The following ELAVL4 variants were observed in gnomAD, a reference collection of about 807,000 sequenced individuals.
The protein encoded by ELAVL4 is ELAV like RNA binding protein 4.
ELAVL4 carries 1 observed loss-of-function variant against 35.6 expected under a neutral mutation model. That is an observed-to-expected ratio of 0.03 (90% CI 0.01 to 0.13). ELAVL4 has a LOEUF of 0.13. Among genes scored for constraint, ELAVL4 ranks in the 10% least tolerant of loss-of-function variants. The probability of loss-of-function intolerance (pLI) is 1.00; values close to 1 mark genes in which losing one functional copy is unlikely to be tolerated. For synonymous variants in ELAVL4, 156 were observed against 171.0 expected (o/e 0.91, Z 0.69); for missense variants, 267 against 464.9 (o/e 0.57, Z 3.91).
chr1:50,054,189 T>C (rs1663541780), intron 1 of ELAVL4, among the ~76,000 whole-genome samples: 1 of 152,246 alleles, frequency 6.6e-6, no homozygotes, highest in Non-Finnish European at 1.5e-5. Flanking sequence ...CTCCAAATGC[T>C]TGTTGAATGT....
intron 1 of ELAVL4, among the ~76,000 whole-genome samples, chr1:50,095,911 C>G (rs533408628): frequency 6.6e-6 from 1 of 152,294 alleles, no homozygotes; most frequent in Non-Finnish European, 1.5e-5. Context: ...GTTTGAAGAG[C>G]AACTTCCACT....
intron 1 of ELAVL4, among the ~76,000 whole-genome samples, chr1:50,073,680 G>A (rs988118320): frequency 2.6e-5 from 4 of 151,832 alleles, no homozygotes; most frequent in African/African-American, 4.8e-5. Context: ...ACATACACAC[G>A]AAACATTAAC....
In ELAVL4 at chr1:50,200,913, C is replaced by T. The variant is rs1572647481; in HGVS notation, c.836C>T (p.Thr279Ile). 1 of 1,614,062 alleles carries T rather than the reference C, an allele frequency of 6.2e-7. No individual in the cohort carries two copies. Among genetic ancestry groups the T allele is most frequent in the East Asian group, 2.2e-5 (1 of 44,850 alleles). The change falls in exon 7 of 7, where the codon ACA (threonine) becomes ATA (isoleucine). Residue 279 changes from threonine to isoleucine, a missense_variant. By Grantham distance (89) the Thr-to-Ile change is moderately conservative. This residue lies in a region of ELAVL4 where 216 missense variants were observed against 409.5 expected (regional missense o/e 0.53). Coordinates refer to ENST00000371824, the MANE Select transcript of ELAVL4 (RefSeq NM_001144774.3). ...GTGGGAATGAACATCCCTGGTCACA[C>T]AGGAACTGGGTGGTGCATCTTTGTC... ...SLVGMNIPGH[T>I]GTGWCIFVYN...
intron 1 of ELAVL4, among the ~76,000 whole-genome samples, chr1:50,073,250 A>G (rs745851315): frequency 1.8e-4 from 28 of 152,142 alleles, no homozygotes; most frequent in Non-Finnish European, 3.7e-4. Flanking sequence ...ATATAAGCTG[A>G]GGGCCCTCAA....
chr1:50,145,268 T>C (rs1364180347), intron 2 of ELAVL4, 71 bp downstream of exon 2: 5 of 1,594,066 alleles, frequency 3.1e-6, no homozygotes, highest in Non-Finnish European at 4.3e-6. Flanking sequence ...ACATGTGTGA[T>C]GGTGCACCTG....
rs549911755 is a variant in ELAVL4, at chr1:50,078,611, G to A, written c.18+30429G>A. Among the ~76,000 whole-genome samples the A allele has an allele frequency of 2.6e-5, 4 of 152,266 alleles. No homozygotes were observed. In the East Asian group the frequency reaches 7.7e-4, roughly 29 times the overall value. ...GTAGGGCTATTTGGATGGTCTCAAGGTTCCTAGGTGAGTGGAACTGGAACA... is the reference window on the plus strand; with the variant it reads ...GTAGGGCTATTTGGATGGTCTCAAGATTCCTAGGTGAGTGGAACTGGAACA... On this transcript the variant is annotated intron_variant, in intron 1 of 6. Coordinates refer to the ELAVL4 transcript ENST00000448907.
intron 6 of ELAVL4, among the ~76,000 whole-genome samples, chr1:50,200,358 A>G (rs1470707196): frequency 6.6e-6 from 1 of 152,168 alleles, no homozygotes; most frequent in Non-Finnish European, 1.5e-5. Context: ...TGAGTCACTT[A>G]TTCAACCAAT....
At chr1:50,069,333 A>G (rs1664408524) in intron 1 of ELAVL4, among the ~76,000 whole-genome samples, 1 of 152,112 alleles carries the variant, frequency 6.6e-6, no homozygotes, top group Non-Finnish European at 1.5e-5. Context: ...GCATTTGTAT[A>G]CTGCTCCACA....
At position 50,201,272 on chromosome 1, in the gene ELAVL4, A is replaced by G; in HGVS notation, c.*94A>G. 7.2e-7 allele frequency: 1 copy of G among 1,385,188 alleles called. No individual in the cohort carries two copies. The highest frequency in any genetic ancestry group is 9.5e-7 in the Non-Finnish European group (1 of 1,055,202). The allele number at this position is 1,385,188 out of a possible 1,614,324, so 85.8% of individuals were successfully genotyped here. A position where few individuals can be genotyped will look rare whatever the true frequency, so the allele number is the denominator to read the frequency against. ...ACACATACACGAAAGAGAGAGAAACAAACTTTTCAAGGCTTATATTCAACC... is the reference window on the plus strand; with the variant it reads ...ACACATACACGAAAGAGAGAGAAACGAACTTTTCAAGGCTTATATTCAACC... On this transcript the variant is annotated 3_prime_UTR_variant, in exon 7 of 7. Transcript: ENST00000371824. This position sits in a 1 kb window ranked among gnomAD's most constrained non-coding sequence, Gnocchi z 4.3.
chr1:50,125,745 T>C (rs1477915049), intron 1 of ELAVL4, among the ~76,000 whole-genome samples: 4 of 152,094 alleles, frequency 2.6e-5, no homozygotes, highest in African/African-American at 9.7e-5. Context: ...TAAGATCTCC[T>C]GATGGCTCCT....
chr1:50,178,019 G>A (rs78908436), intron 3 of ELAVL4, among the ~76,000 whole-genome samples: 1,607 of 152,296 alleles, frequency 0.011, 24 homozygotes, highest in African/African-American at 0.037. Context: ...AGGTAGTGCT[G>A]TTTGCCTTGG....
chr1:50,178,802 A>G (rs1680538496), intron 3 of ELAVL4, among the ~76,000 whole-genome samples: 1 of 152,068 alleles, frequency 6.6e-6, no homozygotes, highest in Non-Finnish European at 1.5e-5. Context: ...GGTTTGATTG[A>G]TTTTCTGTGC....
At chr1:50,129,326 C>T (rs1249407670) in intron 1 of ELAVL4, among the ~76,000 whole-genome samples, 3 of 152,026 alleles carry the variant, frequency 2.0e-5, no homozygotes, top group Admixed American at 1.3e-4. Context: ...CAAGAACAAC[C>T]CTGCTCTTCC....
chr1:50,195,301 G>C (rs1352059019), intron 4 of ELAVL4, among the ~76,000 whole-genome samples: 1 of 152,186 alleles, frequency 6.6e-6, no homozygotes, highest in Non-Finnish European at 1.5e-5. Flanking sequence ...TGATGGGGCA[G>C]AGCAGTGATA....
intron 1 of ELAVL4, among the ~76,000 whole-genome samples, chr1:50,081,129 T>C (rs1664988204): frequency 1.3e-5 from 2 of 152,190 alleles, no homozygotes; most frequent in Admixed American, 1.3e-4. Context: ...AGCCCAAAGA[T>C]GGCAAGTCCA....
Position 50,177,102 on chromosome 1 carries a change from G to A in ELAVL4, c.264G>A (p.Gly88=), listed in dbSNP as rs766623314. Residue 88 remains glycine, a synonymous_variant, in exon 3 of 7, where the codon GGG becomes GGA. Coordinates refer to ENST00000371824, the MANE Select transcript of ELAVL4 (RefSeq NM_001144774.3). ...VRDKITGQSL[G]YGFVNYIDPK... ...ATATTTCCACAGGACAGAGTTTAGG[G>A]TATGGATTTGTTAACTATATTGATC... 3 of 1,613,618 alleles carry A rather than the reference G, an allele frequency of 1.9e-6. No individual in the cohort carries two copies. Among genetic ancestry groups the A allele is most frequent in the Admixed American group, 1.7e-5 (1 of 60,008 alleles).
In ELAVL4 at chr1:50,200,906, G is replaced by C; in HGVS notation, c.829G>C (p.Gly277Arg). ...AAGCCTTGTGGGAATGAACATCCCT[G>C]GTCACACAGGAACTGGGTGGTGCAT... ...MTSLVGMNIP[G>R]HTGTGWCIFV... Residue 277 changes from glycine to arginine, a missense_variant, in exon 7 of 7, where the codon GGT (glycine) becomes CGT (arginine). By Grantham distance (125) the Gly-to-Arg change is moderately radical (BLOSUM62 -2). Around this residue, in one of 2 missense-constraint regions of ELAVL4, gnomAD observed 216 missense variants for 409.5 expected, o/e 0.53. Coordinates refer to ENST00000371824, the MANE Select transcript of ELAVL4 (RefSeq NM_001144774.3). The C allele has an allele frequency of 1.9e-6, 3 of 1,613,966 alleles. No homozygotes were observed. The highest frequency in any genetic ancestry group is 2.5e-6 in the Non-Finnish European group (3 of 1,179,976).
At chr1:50,117,994 T>C (rs1232587666) in intron 1 of ELAVL4, among the ~76,000 whole-genome samples, 1 of 152,140 alleles carries the variant, frequency 6.6e-6, no homozygotes, top group Non-Finnish European at 1.5e-5. Context: ...TGGGATTTAG[T>C]TGTCAAAAGA....
intron 2 of ELAVL4, among the ~76,000 whole-genome samples, chr1:50,165,204 C>T (rs868284389): frequency 2.3e-4 from 35 of 152,070 alleles, no homozygotes; most frequent in African/African-American, 8.5e-4. Flanking sequence ...TTCACTTGTG[C>T]CACTGCTCCA....
Sources: allele counts gnomAD v4.1 joint callset (sites outside exome capture counted in the v4.1 genomes callset), GRCh38; gene constraint gnomAD v4.1.1; regional missense constraint gnomAD v4.1.1; non-coding constraint Gnocchi (gnomAD v3.1); transcripts MANE v1.5; gene names NCBI Gene and HGNC (gene_info 2026-07-23, HGNC 2026-07-21).